Variants in SMPD1 observed in about 807,000 individuals in gnomAD.
SMPD1 encodes sphingomyelin phosphodiesterase.
In SMPD1, 47 loss-of-function variants were observed where a neutral mutation model predicts 49.7. That is an observed-to-expected ratio of 0.95 (90% CI 0.75 to 1.21). SMPD1 has a LOEUF of 1.21. SMPD1 is among the 50% of genes most tolerant of loss of function. The pLI is 0.00. For missense variants in SMPD1, 811 were observed against 822.2 expected, an observed-to-expected ratio of 0.99 and a Z score of 0.17; for synonymous variants, 336 against 339.6, an observed-to-expected ratio of 0.99 and a Z score of 0.12.
chr11:6,392,791 C>A (rs939099761), intron 2 of SMPD1, among the ~76,000 whole-genome samples: 1 of 152,042 alleles, frequency 6.6e-6, no homozygotes, highest in African/African-American at 2.4e-5. Context: ...CTGCACCCAG[C>A]TTTCCAGCCC....
In SMPD1 at chr11:6,391,541, G is replaced by A; in HGVS notation, c.476G>A (p.Cys159Tyr). ...TCAGTGCTGAGCCCATCTGAGGCCT[G>A]TGGCCTGCTCCTGGGCTCCACCTGT... ...RRSVLSPSEA[C>Y]GLLLGSTCGH... Residue 159 changes from cysteine (C) to tyrosine (Y), a missense_variant, in exon 2 of 6, where the codon TGT (cysteine) becomes TAT (tyrosine). Physicochemically the swap from Cys to Tyr is radical, Grantham distance 194. Transcript: ENST00000342245. 9.3e-6 allele frequency: 15 copies of A among 1,613,974 alleles called. No homozygotes were observed. Among genetic ancestry groups the A allele is most frequent in the Non-Finnish European group, 1.2e-5 (14 of 1,179,976 alleles).
chr11:6,394,550 G>A lies in SMPD1; in HGVS notation c.1839G>A (p.Met613Ile), dbSNP rs370828368. The change falls in exon 6 of 6, where the codon ATG becomes ATA. Residue 613 changes from methionine (M) to isoleucine (I), a missense_variant. Met to Ile is a conservative substitution (Grantham distance 10, BLOSUM62 1). Coordinates refer to ENST00000342245, the MANE Select transcript of SMPD1 (RefSeq NM_000543.5). ...ADSPALCRHL[M>I]PDGSLPEAQS... is the part of the protein sequence containing the mutation. Reference sequence around the variant, plus strand: ...GCCCTGCTCTGTGCCGCCACCTGATGCCAGATGGGAGCCTCCCAGAGGCCC... The same window carrying A: ...GCCCTGCTCTGTGCCGCCACCTGATACCAGATGGGAGCCTCCCAGAGGCCC... 5.5e-5 allele frequency: 88 copies of A among 1,608,354 alleles called. 1 individual carries two copies. Among genetic ancestry groups the A allele is most frequent in the South Asian group, 3.3e-5 (3 of 91,092 alleles).
rs1554935555 is a variant in SMPD1 at position 6,394,314 on chromosome 11, T to C, written c.1603T>C (p.Trp535Arg). Residue 535 changes from tryptophan to arginine, a missense_variant, in exon 6 of 6, where the codon TGG (tryptophan) becomes CGG (arginine). Trp to Arg is a moderately radical substitution (Grantham distance 101). Transcript: ENST00000342245. ...QANIPGAIPH[W>R]QLLYRARETY... Reference sequence around the variant, plus strand: ...AAACATACCGGGAGCCATACCGCACTGGCAGCTTCTCTACAGGGCTCGAGA... The same window carrying C: ...AAACATACCGGGAGCCATACCGCACCGGCAGCTTCTCTACAGGGCTCGAGA... 6.2e-7 allele frequency: 1 copy of C among 1,614,238 alleles called. No homozygotes were observed. Among genetic ancestry groups the C allele is most frequent in the Non-Finnish European group, 8.5e-7 (1 of 1,180,028 alleles).
chr11:6,393,171 C>CAGGATTGGAA, intron 2 of SMPD1, 45 bp from the exon 3 acceptor site: 2 of 1,574,078 alleles, frequency 1.3e-6, no homozygotes, highest in Non-Finnish European at 1.7e-6. Flanking sequence ...ACAGGAGGAC[C>CAGGATTGGAA]AGGATTGGAA....
At chr11:6,391,009 T>A in intron 1 of SMPD1, 93 bp downstream of exon 1, 2 of 1,481,668 alleles carry the variant, frequency 1.3e-6, no homozygotes, top group South Asian at 2.3e-5. Flanking sequence ...TCAGAATGCA[T>A]CCCTGATGGA....
rs1847896574 is a variant in SMPD1, at chr11:6,391,300, G to C, written c.319-84G>C. On this transcript the variant is annotated intron_variant, in intron 1 of 5. Transcript: ENST00000342245. ...CCTGCCCAGCCCCAGTTTGGAAATGGAGGCCCAAGGGGTGGTGGCCAGGGG... is the reference window on the plus strand; with the variant it reads ...CCTGCCCAGCCCCAGTTTGGAAATGCAGGCCCAAGGGGTGGTGGCCAGGGG... 3 of 1,393,262 alleles carry C rather than the reference G, an allele frequency of 2.2e-6. No individual in the cohort carries two copies. The Admixed American group carries it at 5.1e-5, about 24-fold the overall frequency. 86.3% of individuals were successfully genotyped at this position (1,393,262 alleles called of 1,614,324 possible).
chr11:6,392,004 A>G lies in SMPD1; in HGVS notation c.939A>G (p.Pro313=), dbSNP rs1847944418. The part of the protein sequence containing the change: ...ALVRKFLGPV[P]VYPAVGNHES... ...TGAGGAAGTTCCTGGGGCCAGTGCC[A>G]GTGTACCCTGCTGTGGGTAACCATG... Residue 313 remains proline, a synonymous_variant, in exon 2 of 6, where the codon CCA becomes CCG. Transcript: ENST00000342245. 6.2e-7 allele frequency: 1 copy of G among 1,614,204 alleles called. No individual in the cohort carries two copies. The highest frequency in any genetic ancestry group is 1.6e-4 in the Middle Eastern group (1 of 6,062).
intron 2 of SMPD1, 165 bp downstream of exon 2, chr11:6,392,321 G>C (rs1218058502): frequency 1.2e-5 from 7 of 581,472 alleles, no homozygotes; most frequent in Admixed American, 3.5e-5. Context: ...CTGTTTTGCC[G>C]CACCAGGCTT....
At position 6,391,842 on chromosome 11, in the gene SMPD1, G is replaced by T; in HGVS notation, c.777G>T (p.Leu259=). 1 of 1,613,846 alleles carries T rather than the reference G, an allele frequency of 6.2e-7. No homozygotes were observed. The change falls in exon 2 of 6, where the codon CTG becomes CTT. Residue 259 remains leucine (L), a synonymous_variant. Transcript: ENST00000342245. ...YSKCDLPLRT[L]ESLLSGLGPA... ...AGTGTGACCTGCCCCTGAGGACCCT[G>T]GAGAGCCTGTTGAGTGGGCTGGGCC...
rs1440943859 is a variant in SMPD1 at position 6,390,623 on chromosome 11, C to T, written c.25C>T (p.Arg9Cys). 2.5e-6 allele frequency: 4 copies of T among 1,612,740 alleles called. No homozygotes were observed. The highest frequency in any genetic ancestry group is 1.1e-5 in the South Asian group (1 of 91,042). Residue 9 changes from arginine (R) to cysteine (C), a missense_variant, in exon 1 of 6, where the codon CGC (arginine) becomes TGC (cysteine). Physicochemically the swap from Arg to Cys is radical, Grantham distance 180 (BLOSUM62 -3). Coordinates refer to ENST00000342245, the MANE Select transcript of SMPD1 (RefSeq NM_000543.5). ...AATGCCCCGCTACGGAGCGTCACTC[C>T]GCCAGAGCTGCCCCAGGTCCGGCCG... Reference protein sequence around the residue: MPRYGASLRQSCPRSGREQ... With the variant: MPRYGASLCQSCPRSGREQ...
chr11:6,394,782 G>A lies in SMPD1; in HGVS notation c.*175G>A. 2 of 655,700 alleles carry A rather than the reference G, an allele frequency of 3.1e-6. No homozygotes were observed. Among genetic ancestry groups the A allele is most frequent in the South Asian group, 1.9e-5 (1 of 53,588 alleles). 40.6% of individuals were successfully genotyped at this position (655,700 alleles called of 1,614,324 possible). On this transcript the variant is annotated 3_prime_UTR_variant, in exon 6 of 6. Coordinates refer to ENST00000342245, the MANE Select transcript of SMPD1 (RefSeq NM_000543.5). ...CCTGGAGCTGGTTTAGCTGGATATG[G>A]GAGGGGGTTTGGCTGCCTGTGCCCA... is the stretch of plus-strand genomic sequence containing the variant.
chr11:6,392,696 T>C (rs1025746075), intron 2 of SMPD1, among the ~76,000 whole-genome samples: 13 of 151,598 alleles, frequency 8.6e-5, no homozygotes, highest in Non-Finnish European at 8.8e-5. Flanking sequence ...GGTTTCACCA[T>C]GTTGGCCAAG....
intron 1 of SMPD1, 145 bp downstream of exon 1, chr11:6,391,061 T>A: frequency 1.8e-6 from 2 of 1,090,286 alleles, no homozygotes; most frequent in African/African-American, 1.6e-5. Context: ...TGCTCCCCTT[T>A]GGGGACACCC....
At chr11:6,392,712 C>CT (rs934175181) in intron 2 of SMPD1, among the ~76,000 whole-genome samples, 1 of 151,638 alleles carries the variant, frequency 6.6e-6, no homozygotes, top group African/African-American at 2.4e-5. Context: ...CCAAGATGGT[C>CT]TTGATCTCCT....
intron 2 of SMPD1, 82 bp from the exon 3 acceptor site, chr11:6,393,134 C>A: frequency 8.3e-7 from 1 of 1,199,446 alleles, no homozygotes; most frequent in Non-Finnish European, 1.2e-6. Context: ...GTCATGTATG[C>A]TTTTACCCTC....
intron 3 of SMPD1, 62 bp downstream of exon 3, chr11:6,393,449 A>T (rs1326780948): frequency 6.4e-7 from 1 of 1,558,140 alleles, no homozygotes; most frequent in African/African-American, 1.4e-5. Context: ...GTTGAGCTGG[A>T]GCACCTCTGG....
At chr11:6,392,644 G>A (rs147642014) in intron 2 of SMPD1, among the ~76,000 whole-genome samples, 3,214 of 151,356 alleles carry the variant, frequency 0.021, 124 homozygotes, top group African/African-American at 0.074. Context: ...ACAGGTGCAC[G>A]CCACCACACC....
At position 6,394,233 on chromosome 11, in the gene SMPD1, G is replaced by C. The variant is rs1050239; in HGVS notation, c.1522G>C (p.Gly508Arg). Residue 508 changes from glycine (G) to arginine (R), a missense_variant, in exon 6 of 6, where the codon GGG (glycine) becomes CGG (arginine). Coordinates refer to ENST00000342245, the MANE Select transcript of SMPD1 (RefSeq NM_000543.5). ...RVYQIDGNYS[G>R]SSHVVLDHET... ...GTACCAAATAGATGGAAACTACTCC[G>C]GGAGCTCTCACGTGGTCCTGGACCA... The C allele has an allele frequency of 6.2e-7, 1 of 1,613,938 alleles. No homozygotes were observed.
At position 6,390,503 on chromosome 11, in the gene SMPD1, G is replaced by A. The variant is rs1222603594; in HGVS notation, c.-96G>A. On this transcript the variant is annotated 5_prime_UTR_variant, in exon 1 of 6. Transcript: ENST00000342245. ...AGCCGACTACAGAGAAGGGTAATCG[G>A]GTGTCCCCGGCGCCGCCCGGGGCCC... The A allele has an allele frequency of 6.5e-7, 1 of 1,545,602 alleles. No homozygotes were observed. Among genetic ancestry groups the A allele is most frequent in the Non-Finnish European group, 8.7e-7 (1 of 1,147,556 alleles).
Sources: gnomAD v4.1 joint callset for allele counts (sites outside exome capture counted in the v4.1 genomes callset) on GRCh38, gnomAD v4.1.1 for gene constraint, MANE v1.5 for transcripts, NCBI Gene and HGNC (gene_info 2026-07-23, HGNC 2026-07-21) for gene names.